The following MAEL variants were observed in gnomAD, a reference collection of about 807,000 sequenced individuals.
The protein encoded by MAEL is maelstrom spermatogenic transposon silencer, also known as protein maelstrom homolog.
MAEL carries 46 observed loss-of-function variants against 62.0 expected under a neutral mutation model. The observed-to-expected ratio is 0.74, with a 90% CI of 0.59 to 0.95. The LOEUF is 0.95. Among genes scored for constraint, MAEL ranks in the 40% least tolerant of loss-of-function variants. The probability of loss-of-function intolerance (pLI) is 0.00; values close to 1 mark genes in which losing one functional copy is unlikely to be tolerated. For synonymous variants in MAEL, 172 were observed against 175.5 expected, an observed-to-expected ratio of 0.98 and a Z score of 0.16; for missense variants, 497 against 526.8, an observed-to-expected ratio of 0.94 and a Z score of 0.55.
intron 8 of MAEL, among the ~76,000 whole-genome samples, chr1:167,009,679 T>C (rs976465580): frequency 3.3e-5 from 5 of 151,950 alleles, no homozygotes; most frequent in Admixed American, 3.3e-4. Context: ...TATATGTATG[T>C]TTGATCTTCT....
At chr1:166,993,700 A>G (rs914456765) in intron 4 of MAEL, among the ~76,000 whole-genome samples, 3 of 152,070 alleles carry the variant, frequency 2.0e-5, no homozygotes, top group African/African-American at 7.2e-5. Flanking sequence ...ACGCATATAC[A>G]CCTTGCTGTA....
intron 5 of MAEL, among the ~76,000 whole-genome samples, chr1:166,999,516 G>A (rs1228672570): frequency 1.3e-5 from 2 of 152,220 alleles, no homozygotes; most frequent in Non-Finnish European, 2.9e-5. Context: ...TGGTTCATGA[G>A]GTTTAAGGAA....
At chr1:166,988,120 C>T (rs2102064000), upstream of MAEL, among the ~76,000 whole-genome samples, 1 of 152,190 alleles carries the variant, frequency 6.6e-6, no homozygotes, top group Admixed American at 6.5e-5. Context: ...GAGGCCTAGG[C>T]AGGCAGATCC....
intron 1 of MAEL, among the ~76,000 whole-genome samples, chr1:166,978,399 A>G (rs1663657615): frequency 6.6e-6 from 1 of 152,192 alleles, no homozygotes; most frequent in Admixed American, 6.5e-5. Flanking sequence ...AATATATGTA[A>G]TGATTCAAAA....
intron 8 of MAEL, among the ~76,000 whole-genome samples, chr1:167,007,771 G>A (rs968522107): frequency 7.2e-5 from 11 of 151,776 alleles, no homozygotes; most frequent in South Asian, 4.2e-4. Context: ...TGAGAACCCT[G>A]GCTGTCAGTA....
chr1:166,987,767 G>A (rs1306874530), upstream of MAEL, among the ~76,000 whole-genome samples: 2 of 152,106 alleles, frequency 1.3e-5, no homozygotes, highest in African/African-American at 4.8e-5. Flanking sequence ...GTAGTTAAAG[G>A]TGGACGCACC....
chr1:166,982,543 G>A (rs995012893), intron 1 of MAEL, among the ~76,000 whole-genome samples: 5 of 151,958 alleles, frequency 3.3e-5, no homozygotes, highest in African/African-American at 1.2e-4. Flanking sequence ...AATAATGTTG[G>A]CCTTCACTTA....
intron 10 of MAEL, among the ~76,000 whole-genome samples, chr1:167,019,493 C>G (rs1665538975): frequency 6.6e-6 from 1 of 152,116 alleles, no homozygotes; most frequent in Admixed American, 6.6e-5. Flanking sequence ...TGTGGGTTTT[C>G]TCAGCCTTAG....
At position 167,005,239 on chromosome 1, in the gene MAEL, C is replaced by G; in HGVS notation, c.704-17C>G. 1.9e-6 allele frequency: 3 copies of G among 1,611,510 alleles called. No individual in the cohort carries two copies. The highest frequency in any genetic ancestry group is 2.5e-6 in the Non-Finnish European group (3 of 1,178,966). On this transcript the variant is annotated splice_polypyrimidine_tract_variant and intron_variant, in intron 7 of 11. Coordinates refer to ENST00000367872, the MANE Select transcript of MAEL (RefSeq NM_032858.3). Reference sequence around the variant, plus strand: ...AAATTTACTAATTGTATGTGTTTTTCCATTTACTAATGGAAGAAATCAGGC... The same window carrying G: ...AAATTTACTAATTGTATGTGTTTTTGCATTTACTAATGGAAGAAATCAGGC...
chr1:166,999,019 G>T (rs1431843273), intron 5 of MAEL, among the ~76,000 whole-genome samples: 1 of 151,848 alleles, frequency 6.6e-6, no homozygotes, highest in Non-Finnish European at 1.5e-5. Flanking sequence ...CCCCTGACTG[G>T]CCATTGCCTC....
chr1:167,015,289 T>G (rs1040015841), intron 8 of MAEL, among the ~76,000 whole-genome samples: 2 of 152,232 alleles, frequency 1.3e-5, no homozygotes, highest in Non-Finnish European at 2.9e-5. Flanking sequence ...TGTTACAGTT[T>G]TGTGAACTAC....
upstream of MAEL, among the ~76,000 whole-genome samples, chr1:166,986,981 T>TGTGTGTGTGTGTGTGTGTG (rs3223320): frequency 6.7e-6 from 1 of 149,368 alleles, no homozygotes; most frequent in Admixed American, 6.6e-5. Flanking sequence ...TGTGTGTGTG[T>TGTGTGTGTGTGTGTGTGTG]TTAAAATTAC....
In MAEL at chr1:167,021,846, C is replaced by G. The variant is rs766596737; in HGVS notation, c.1296C>G (p.Ser432=). The G allele has an allele frequency of 6.2e-7, 1 of 1,603,992 alleles. No homozygotes were observed. The highest frequency in any genetic ancestry group is 1.1e-5 in the South Asian group (1 of 89,752). Residue 432 remains serine (S), a synonymous_variant, in exon 12 of 12, where the codon TCC becomes TCG. Coordinates refer to ENST00000367872, the MANE Select transcript of MAEL (RefSeq NM_032858.3). ...AAGATGGATACAAATCTTTCTCTTC[C>G]TTATCTTAATGATGGTACTCTTTTC... The part of the protein sequence containing the change: ...SQKDGYKSFS[S]LS
In MAEL at chr1:166,994,666, A is replaced by ATTT. The variant is rs35009494; in HGVS notation, c.523+617_523+619dup. On this transcript the variant is annotated intron_variant, in intron 5 of 11. Transcript: ENST00000367872. ...TTTAATGATTCCTGTCTGTAAGGTAATTTTTTTTTTTTTTTTTTTTTTGAG... is the reference window on the plus strand; with the variant it reads ...TTTAATGATTCCTGTCTGTAAGGTAATTTTTTTTTTTTTTTTTTTTTTTTTGAG... Among the ~76,000 whole-genome samples, 299 of 119,580 alleles carry ATTT rather than the reference A, an allele frequency of 2.5e-3. 8 individuals carry two copies. Among genetic ancestry groups the ATTT allele is most frequent in the African/African-American group, 6.6e-3 (199 of 29,984 alleles). 78.4% of individuals were successfully genotyped at this position (119,580 alleles called of 152,430 possible).
upstream of MAEL, among the ~76,000 whole-genome samples, chr1:166,984,809 C>G (rs747253475): frequency 1.9e-4 from 29 of 152,336 alleles, no homozygotes; most frequent in Admixed American, 7.2e-4. Context: ...TCTCTTCTTT[C>G]AATTCTTCAC....
At chr1:166,989,626 CA>C in intron 1 of MAEL, 110 bp from the exon 2 acceptor site, 1 of 1,459,938 alleles carries the variant, frequency 6.8e-7, no homozygotes, top group Non-Finnish European at 9.3e-7. Flanking sequence ...TGGCCCTGGG[CA>C]AACCGACACC....
chr1:167,020,902 G>A (rs1026874013), intron 10 of MAEL, among the ~76,000 whole-genome samples, 183 bp from the exon 11 acceptor site: 2 of 151,326 alleles, frequency 1.3e-5, no homozygotes, highest in Admixed American at 6.6e-5. Flanking sequence ...CCTATACTTC[G>A]TAATCTCCCT....
intron 4 of MAEL, 65 bp downstream of exon 4, chr1:166,992,906 TA>T: frequency 7.7e-7 from 1 of 1,291,302 alleles, no homozygotes; most frequent in East Asian, 2.6e-5. Flanking sequence ...ATCTTGACTT[TA>T]TTTGATAATA....
At chr1:166,995,503 G>C (rs11802666) in intron 5 of MAEL, among the ~76,000 whole-genome samples, 59,141 of 151,822 alleles carry the variant, frequency 0.39, 12,626 homozygotes, top group African/African-American at 0.58. Flanking sequence ...GGCTCTCAAA[G>C]TGCTGGGATT....
Sources: allele counts gnomAD v4.1 joint callset (sites outside exome capture counted in the v4.1 genomes callset), GRCh38; gene constraint gnomAD v4.1.1; transcripts MANE v1.5; gene names NCBI Gene and HGNC (gene_info 2026-07-23, HGNC 2026-07-21).